Variants in UBXN2A observed in about 807,000 individuals in gnomAD.
UBXN2A encodes the protein UBX domain-containing protein 2A.
A neutral mutation model predicts 28.4 loss-of-function variants in UBXN2A; 28 were observed. The ratio of observed to expected loss-of-function variants is 0.99; its 90% CI spans 0.73 to 1.35. The LOEUF is 1.35. Ranked by LOEUF, UBXN2A falls within the 40% of genes most tolerant of loss-of-function variation. UBXN2A has a pLI of 0.00. For missense variants in UBXN2A, 253 were observed against 297.9 expected (o/e 0.85, Z 1.11); for synonymous variants, 97 against 103.6 (o/e 0.94, Z 0.39).
At chr2:23,991,123 C>T (rs1421521739) in intron 6 of UBXN2A, among the ~76,000 whole-genome samples, 7 of 152,162 alleles carry the variant, frequency 4.6e-5, no homozygotes, top group East Asian at 1.9e-4. Flanking sequence ...GTTTTTCTTC[C>T]GTTTTTTCTG....
chr2:23,966,286 A>G (rs112260785), intron 2 of UBXN2A, among the ~76,000 whole-genome samples: 3 of 145,956 alleles, frequency 2.1e-5, no homozygotes, highest in Non-Finnish European at 4.5e-5. Flanking sequence ...CTACAGGCAC[A>G]TGCCACCACT....
intron 1 of UBXN2A, among the ~76,000 whole-genome samples, chr2:23,956,799 C>G (rs79383119): frequency 0.038 from 5,853 of 152,270 alleles, 110 homozygotes; most frequent in South Asian, 0.046. Flanking sequence ...TAGAAACCAA[C>G]ATATAGGCAC....
At chr2:23,949,503 T>C (rs1032262790) in intron 1 of UBXN2A, among the ~76,000 whole-genome samples, 7 of 149,646 alleles carry the variant, frequency 4.7e-5, no homozygotes, top group African/African-American at 1.2e-4. Context: ...ACCCAGGAGG[T>C]AGAGGTTGCA....
At chr2:23,985,894 G>T (rs1181280688) in intron 6 of UBXN2A, among the ~76,000 whole-genome samples, 1 of 152,072 alleles carries the variant, frequency 6.6e-6, no homozygotes, top group Non-Finnish European at 1.5e-5. Flanking sequence ...AGCTACTTGG[G>T]AGGAGAATTG....
At chr2:23,956,476 C>G (rs1473739021) in intron 1 of UBXN2A, among the ~76,000 whole-genome samples, 1 of 152,112 alleles carries the variant, frequency 6.6e-6, no homozygotes, top group Non-Finnish European at 1.5e-5. Context: ...CCTCAGCCTA[C>G]CTAGTAGCTG....
At chr2:23,966,772 T>A (rs1463897926) in intron 2 of UBXN2A, among the ~76,000 whole-genome samples, 12 of 86,312 alleles carry the variant, frequency 1.4e-4, no homozygotes, top group East Asian at 7.7e-4. Context: ...TTTTTTTTTT[T>A]AATGTTTTTG....
rs1461218066 is a variant in UBXN2A, at chr2:24,002,831, T to A, written c.*2964T>A. On this transcript the variant is annotated 3_prime_UTR_variant, in exon 7 of 7. Coordinates refer to ENST00000309033, the MANE Select transcript of UBXN2A (RefSeq NM_181713.4). ...CATGTCTTCTACATTCAGTCTGTTG[T>A]GCAGTCACATATCATGTAGACTCTG... 1.3e-5 allele frequency: 2 copies of A among 152,230 alleles called. No homozygotes were observed. Among genetic ancestry groups the A allele is most frequent in the African/African-American group, 4.8e-5 (2 of 41,460 alleles). The allele number at this position is 152,230 out of a possible 1,614,324, so 9.4% of individuals were successfully genotyped here.
At chr2:23,939,939 G>T (rs1044163924), upstream of UBXN2A, among the ~76,000 whole-genome samples, 4 of 151,844 alleles carry the variant, frequency 2.6e-5, no homozygotes, top group Non-Finnish European at 5.9e-5. Context: ...GTGAAACCCC[G>T]TCTCTACTAA....
chr2:23,962,594 CT>C (rs1174906383), intron 2 of UBXN2A, among the ~76,000 whole-genome samples: 1 of 148,036 alleles, frequency 6.8e-6, no homozygotes, highest in Admixed American at 6.8e-5. Context: ...TTTTTTTTTC[CT>C]TTTTTTATTC....
intron 3 of UBXN2A, among the ~76,000 whole-genome samples, chr2:23,976,658 C>A (rs563879103): frequency 1.3e-5 from 2 of 152,292 alleles, no homozygotes; most frequent in Non-Finnish European, 2.9e-5. Flanking sequence ...TCAATTACCT[C>A]CCCCTTGGTC....
At chr2:23,950,440 G>C (rs1434098400) in intron 1 of UBXN2A, among the ~76,000 whole-genome samples, 1 of 151,988 alleles carries the variant, frequency 6.6e-6, no homozygotes, top group Non-Finnish European at 1.5e-5. Context: ...TTCTCGCTCT[G>C]TTGTCCACGC....
chr2:23,977,275 C>T (rs913178188), intron 4 of UBXN2A, 200 bp downstream of exon 4: 4 of 318,068 alleles, frequency 1.3e-5, no homozygotes, highest in Non-Finnish European at 2.4e-5. Context: ...TACAGTGAGC[C>T]ATGCTTGCAC....
At chr2:23,965,424 T>C (rs1470508424) in intron 2 of UBXN2A, among the ~76,000 whole-genome samples, 1 of 152,202 alleles carries the variant, frequency 6.6e-6, no homozygotes, top group Non-Finnish European at 1.5e-5. Context: ...TTATTATGAA[T>C]GGTTGTTAGA....
chr2:23,986,406 G>A (rs1708132703), intron 6 of UBXN2A, among the ~76,000 whole-genome samples: 2 of 151,934 alleles, frequency 1.3e-5, no homozygotes. Flanking sequence ...TTCTGTTTAA[G>A]TAGATGCATA....
intron 6 of UBXN2A, among the ~76,000 whole-genome samples, chr2:23,985,603 T>TTG (rs1553310226): frequency 1.6e-4 from 2 of 12,586 alleles, no homozygotes; most frequent in Non-Finnish European, 5.2e-4. Context: ...GTCTAGACAG[T>TTG]TTTTTTTTTT....
chr2:23,952,418 C>T (rs536375066), intron 1 of UBXN2A, among the ~76,000 whole-genome samples: 2 of 152,068 alleles, frequency 1.3e-5, no homozygotes, highest in South Asian at 2.1e-4. Context: ...CATATGCCAC[C>T]GTGCCGGGCT....
chr2:23,968,359 A>G (rs1707258628), intron 2 of UBXN2A, among the ~76,000 whole-genome samples: 1 of 152,196 alleles, frequency 6.6e-6, no homozygotes, highest in Admixed American at 6.6e-5. Context: ...CTTGGGAGAC[A>G]GAGTGGCAGC....
chr2:23,953,848 G>T, intron 1 of UBXN2A, among the ~76,000 whole-genome samples: 1 of 152,068 alleles, frequency 6.6e-6, no homozygotes, highest in East Asian at 1.9e-4. Context: ...AGGCTTGAAT[G>T]GATTCAGATT....
intron 1 of UBXN2A, among the ~76,000 whole-genome samples, chr2:23,928,780 A>AT (rs993948776): frequency 5.3e-5 from 8 of 151,932 alleles, no homozygotes; most frequent in African/African-American, 7.3e-5. Context: ...GGAAATGACA[A>AT]TTTTTTTTGT....
Sources: allele counts gnomAD v4.1 joint callset (sites outside exome capture counted in the v4.1 genomes callset), GRCh38; gene constraint gnomAD v4.1.1; transcripts MANE v1.5; gene names NCBI Gene and HGNC (gene_info 2026-07-23, HGNC 2026-07-21).